CLNK: variants seen among roughly 807,000 people sequenced by gnomAD.
CLNK encodes cytokine-dependent hematopoietic cell linker.
In CLNK, 74 loss-of-function variants were observed where a neutral mutation model predicts 68.6. The observed-to-expected ratio is 1.08, with a 90% CI of 0.89 to 1.31. The LOEUF (loss-of-function observed/expected upper bound fraction) is 1.31. Ranked by LOEUF, CLNK falls within the 50% of genes most tolerant of loss-of-function variation. CLNK has a pLI of 0.00. For synonymous variants in CLNK, 198 were observed against 172.2 expected, an observed-to-expected ratio of 1.15 and a Z score of -1.17; for missense variants, 553 against 515.3, an observed-to-expected ratio of 1.07 and a Z score of -0.71.
intron 7 of CLNK, among the ~76,000 whole-genome samples, chr4:10,562,989 G>C (rs1176276315): frequency 6.6e-6 from 1 of 152,172 alleles, no homozygotes; most frequent in African/African-American, 2.4e-5. Flanking sequence ...AATTTGTTGA[G>C]TGAATGATTG....
At chr4:10,502,760 GGGA>G (rs1365419073) in intron 17 of CLNK, among the ~76,000 whole-genome samples, 1 of 151,906 alleles carries the variant, frequency 6.6e-6, no homozygotes, top group East Asian at 1.9e-4. Flanking sequence ...GGCCCTTTAC[GGGA>G]GGAGGAATTG....
chr4:10,605,825 CAAAAA>C (rs59881800), intron 2 of CLNK, among the ~76,000 whole-genome samples: 6 of 100,390 alleles, frequency 6.0e-5, no homozygotes, highest in African/African-American at 1.1e-4. Context: ...AGACTCTGTC[CAAAAA>C]AAAAAAAAAA....
intron 9 of CLNK, 69 bp from the exon 10 acceptor site, chr4:10,542,110 T>C: frequency 6.5e-6 from 9 of 1,379,022 alleles, no homozygotes; most frequent in Non-Finnish European, 9.1e-6. Context: ...CTAACAGTTT[T>C]TTGGTTTACA....
chr4:10,607,589 C>G (rs1040045520), intron 2 of CLNK, among the ~76,000 whole-genome samples: 2 of 152,158 alleles, frequency 1.3e-5, no homozygotes, highest in Non-Finnish European at 2.9e-5. Context: ...TTTTGTCTTG[C>G]CTGGCAATAT....
At chr4:10,605,276 A>G (rs974857722) in intron 2 of CLNK, among the ~76,000 whole-genome samples, 2 of 152,120 alleles carry the variant, frequency 1.3e-5, no homozygotes, top group African/African-American at 4.8e-5. Context: ...ACAGTGACAC[A>G]TCGCTTAATG....
the CLNK span, among the ~76,000 whole-genome samples, chr4:10,723,932 G>C: frequency 6.8e-6 from 1 of 147,154 alleles, no homozygotes; most frequent in East Asian, 1.9e-4. Context: ...GCAGGGCAGC[G>C]TGGCTTTGGT....
chr4:10,730,432 A>G, the CLNK span, among the ~76,000 whole-genome samples: 1 of 152,128 alleles, frequency 6.6e-6, no homozygotes, highest in African/African-American at 2.4e-5. Context: ...ATTCCCATTC[A>G]GCCTTCATTG....
At chr4:10,541,287 CAT>C (rs1379751993) in intron 10 of CLNK, among the ~76,000 whole-genome samples, 3 of 151,224 alleles carry the variant, frequency 2.0e-5, no homozygotes, top group African/African-American at 4.9e-5. Flanking sequence ...CTCACTCACT[CAT>C]ATGTTATTCA....
intron 3 of CLNK, among the ~76,000 whole-genome samples, chr4:10,596,215 G>A (rs1721378549): frequency 6.6e-6 from 1 of 152,106 alleles, no homozygotes; most frequent in African/African-American, 2.4e-5. Flanking sequence ...AGTAGAGACG[G>A]GGTTTCTCCA....
chr4:10,547,857 T>C (rs1283010342), intron 8 of CLNK, among the ~76,000 whole-genome samples: 1 of 152,190 alleles, frequency 6.6e-6, no homozygotes, highest in Non-Finnish European at 1.5e-5. Flanking sequence ...CTCCATTGTG[T>C]GTATATACCA....
In CLNK at chr4:10,564,761, C is replaced by G; in HGVS notation, c.309G>C (p.Lys103Asn). ...ESEYADTHYF[K>N]VAMDTPLPLD... Reference sequence around the variant, plus strand: ...ACGGAAGGGGAGTGTCCATTGCAACCTTGAAATAGTGTGTATCTATGCAAA... The same window carrying G: ...ACGGAAGGGGAGTGTCCATTGCAACGTTGAAATAGTGTGTATCTATGCAAA... Residue 103 changes from lysine to asparagine, a missense_variant, in exon 7 of 19, where the codon AAG becomes AAC. Physicochemically the swap from Lys to Asn is moderately conservative, Grantham distance 94. Coordinates refer to ENST00000226951, the MANE Select transcript of CLNK (RefSeq NM_052964.4). 1 of 1,609,942 alleles carries G rather than the reference C, an allele frequency of 6.2e-7. No homozygotes were observed. The highest frequency in any genetic ancestry group is 8.5e-7 in the Non-Finnish European group (1 of 1,176,286).
chr4:10,648,990 T>C (rs1424482630), intron 2 of CLNK, among the ~76,000 whole-genome samples: 1 of 152,148 alleles, frequency 6.6e-6, no homozygotes, highest in Non-Finnish European at 1.5e-5. Context: ...ATTGAGATAA[T>C]GTATTTGAAT....
At position 10,648,940 on chromosome 4, in the gene CLNK, A is replaced by G. The variant is rs143437570; in HGVS notation, c.11+18919T>C. 2.8e-3 allele frequency among the ~76,000 whole-genome samples: 419 copies of G among 152,302 alleles called. 1 individual carries two copies. Among genetic ancestry groups the G allele is most frequent in the African/African-American group, 9.6e-3 (400 of 41,568 alleles). On this transcript the variant is annotated intron_variant, in intron 2 of 18. Transcript: ENST00000226951. Reference sequence around the variant, plus strand: ...ATCTGGTTTTTGCATCTTAATATATAGATTAGCCCTTGAATCCTTTATCTC... The same window carrying G: ...ATCTGGTTTTTGCATCTTAATATATGGATTAGCCCTTGAATCCTTTATCTC...
intron 15 of CLNK, among the ~76,000 whole-genome samples, chr4:10,516,943 T>C (rs1717865064): frequency 6.6e-6 from 1 of 152,222 alleles, no homozygotes; most frequent in African/African-American, 2.4e-5. Context: ...TTTGATCACT[T>C]ACAGTTTAAA....
chr4:10,615,135 C>T (rs931955790), intron 2 of CLNK, among the ~76,000 whole-genome samples: 14 of 151,714 alleles, frequency 9.2e-5, no homozygotes, highest in African/African-American at 2.9e-4. Flanking sequence ...GGCAGTGACC[C>T]GAGTTTGTGT....
rs200516167 is a variant in CLNK at position 10,659,192 on chromosome 4, ACT to A, written c.11+8665_11+8666del. On this transcript the variant is annotated intron_variant, in intron 2 of 18. Transcript: ENST00000226951. ...CTACAGCCTGGGAAACAAGAGCGAA[ACT>A]CTGTCTCAAAGAAAACAAAACGTAA... 3.5e-3 allele frequency among the ~76,000 whole-genome samples: 538 copies of A among 152,236 alleles called. 3 individuals are homozygous for A. Among genetic ancestry groups the A allele is most frequent in the African/African-American group, 0.012 (516 of 41,544 alleles).
intron 2 of CLNK, among the ~76,000 whole-genome samples, chr4:10,627,188 A>G (rs1321784237): frequency 6.6e-6 from 1 of 152,120 alleles, no homozygotes; most frequent in Non-Finnish European, 1.5e-5. Flanking sequence ...AGTTTTACAG[A>G]CACCTCCCTG....
intron 2 of CLNK, among the ~76,000 whole-genome samples, chr4:10,638,588 A>AT (rs1723185741): frequency 6.6e-6 from 1 of 152,272 alleles, no homozygotes; most frequent in Admixed American, 6.5e-5. Context: ...TAATGCTTTC[A>AT]TTTTTTGTGG....
chr4:10,493,886 G>A (rs1227053351), intron 18 of CLNK, among the ~76,000 whole-genome samples: 8 of 152,284 alleles, frequency 5.3e-5, no homozygotes, highest in East Asian at 1.9e-4. Context: ...TGATGGTAAC[G>A]ATAGGACCTA....
Sources: allele counts gnomAD v4.1 joint callset (sites outside exome capture counted in the v4.1 genomes callset), GRCh38; gene constraint gnomAD v4.1.1; transcripts MANE v1.5; gene names NCBI Gene and HGNC (gene_info 2026-07-23, HGNC 2026-07-21).